ARL15: variants seen among roughly 807,000 people sequenced by gnomAD.
ARL15 encodes the protein ARF like GTPase 15, also known as ADP-ribosylation factor-like protein 15.
Under a neutral mutation model 25.2 loss-of-function variants are expected in ARL15, and 19 were observed. The ratio of observed to expected loss-of-function variants is 0.75; its 90% CI spans 0.53 to 1.10. The LOEUF (loss-of-function observed/expected upper bound fraction) is 1.10, where lower values mean the gene tolerates loss of function less well. Ranked by LOEUF, ARL15 falls within the 50% of genes least tolerant of loss-of-function variation. ARL15 has a pLI of 0.00. For missense variants in ARL15, 220 were observed against 246.0 expected (o/e 0.89, Z 0.71); for synonymous variants, 94 against 86.8 (o/e 1.08, Z -0.46).
intron 4 of ARL15, among the ~76,000 whole-genome samples, chr5:53,910,484 T>C (rs1306631086): frequency 2.0e-5 from 3 of 151,916 alleles, no homozygotes; most frequent in Non-Finnish European, 4.4e-5. Flanking sequence ...GATCACTCAA[T>C]GTCTTCTATA....
At chr5:54,263,684 A>G (rs1230771675) in intron 1 of ARL15, among the ~76,000 whole-genome samples, 2 of 152,154 alleles carry the variant, frequency 1.3e-5, no homozygotes, top group Non-Finnish European at 2.9e-5. Context: ...CTGAGAAATG[A>G]TCATTGAATG....
intron 4 of ARL15, among the ~76,000 whole-genome samples, chr5:54,039,800 T>TAAAAAAA (rs35030165): frequency 2.1e-4 from 11 of 52,554 alleles, no homozygotes; most frequent in South Asian, 1.1e-3. Context: ...AGACTCTGTC[T>TAAAAAAA]AAAAAAAAAA....
intron 1 of ARL15, among the ~76,000 whole-genome samples, chr5:54,295,336 AAAT>A (rs900889960): frequency 5.0e-4 from 76 of 152,332 alleles, no homozygotes; most frequent in African/African-American, 1.8e-3. Context: ...TATTCTCCCC[AAAT>A]AATGACATAA....
intron 4 of ARL15, among the ~76,000 whole-genome samples, chr5:54,106,780 A>G (rs1489207827): frequency 1.3e-5 from 2 of 152,136 alleles, no homozygotes; most frequent in Non-Finnish European, 2.9e-5. Context: ...ACAGAGACAT[A>G]AACAAGCCGT....
intron 1 of ARL15, among the ~76,000 whole-genome samples, chr5:54,224,059 CT>C (rs1212140246): frequency 6.6e-6 from 1 of 152,130 alleles, no homozygotes; most frequent in Admixed American, 6.5e-5. Flanking sequence ...ATGTTGTGTG[CT>C]TGTGGCCATA....
intron 4 of ARL15, among the ~76,000 whole-genome samples, chr5:54,016,314 T>C (rs1242955833): frequency 6.6e-6 from 1 of 152,120 alleles, no homozygotes; most frequent in Non-Finnish European, 1.5e-5. Context: ...GTGAAAGAGA[T>C]GGTAAGTAGA....
At position 54,215,847 on chromosome 5, in the gene ARL15, A is replaced by C. The variant is rs547554468; in HGVS notation, c.49-43919T>G. Among the ~76,000 whole-genome samples, 8 of 152,280 alleles carry C rather than the reference A, an allele frequency of 5.3e-5. No homozygotes were observed. The East Asian group carries it at 1.5e-3, about 29-fold the overall frequency. On this transcript the variant is annotated intron_variant, in intron 1 of 4. Transcript: ENST00000504924. ...GACAAGAAATAAAAGAATGGATCCA[A>C]GGTGTAAATCTAACATTACATTATA...
intron 4 of ARL15, among the ~76,000 whole-genome samples, chr5:53,894,858 G>T (rs1323718688): frequency 6.6e-6 from 1 of 152,144 alleles, no homozygotes; most frequent in East Asian, 1.9e-4. Flanking sequence ...TATGATATAG[G>T]AGCAACTTTT....
At chr5:54,014,263 A>AT (rs199579537) in intron 4 of ARL15, among the ~76,000 whole-genome samples, 1,829 of 152,140 alleles carry the variant, frequency 0.012, 19 homozygotes, top group Admixed American at 0.018. Flanking sequence ...ACTGGAAGAG[A>AT]TTTTTTCCCA....
intron 4 of ARL15, among the ~76,000 whole-genome samples, chr5:53,944,781 A>G (rs1309072500): frequency 1.3e-5 from 2 of 152,138 alleles, no homozygotes; most frequent in Non-Finnish European, 1.5e-5. Flanking sequence ...CTTAATTACT[A>G]TTTCTTTTGC....
intron 4 of ARL15, among the ~76,000 whole-genome samples, chr5:54,015,858 T>C (rs1344391643): frequency 6.6e-6 from 1 of 152,198 alleles, no homozygotes. Context: ...AGGAAAGTTC[T>C]ATCTCTAAAA....
At chr5:54,079,931 T>C (rs1479889176) in intron 4 of ARL15, among the ~76,000 whole-genome samples, 1 of 149,012 alleles carries the variant, frequency 6.7e-6, no homozygotes, top group Admixed American at 6.7e-5. Context: ...GATCATGCCA[T>C]TGCACTCCAG....
At position 53,966,491 on chromosome 5, in the gene ARL15, A is replaced by G. The variant is rs6879379; in HGVS notation, c.463-79778T>C. On this transcript the variant is annotated intron_variant, in intron 4 of 4. Coordinates refer to ENST00000504924, the MANE Select transcript of ARL15 (RefSeq NM_019087.3). Reference sequence around the variant, plus strand: ...AAAAGTGGGAGTTGTGGGAACCCCAACTTGAGCTGGTCATTCAGAAATTCT... The same window carrying G: ...AAAAGTGGGAGTTGTGGGAACCCCAGCTTGAGCTGGTCATTCAGAAATTCT... 6.9e-3 allele frequency among the ~76,000 whole-genome samples: 1,055 copies of G among 152,292 alleles called. 16 individuals are homozygous for G. The highest frequency in any genetic ancestry group is 0.024 in the African/African-American group (996 of 41,566).
Position 54,025,649 on chromosome 5 carries a change from ATTTGTTTGTTTG to A in ARL15, c.462+87541_462+87552del, listed in dbSNP as rs3836819. Among the ~76,000 whole-genome samples the A allele has an allele frequency of 4.4e-4, 67 of 151,116 alleles. 1 individual carries two copies. The highest frequency in any genetic ancestry group is 1.3e-3 in the South Asian group (6 of 4,798). Reference sequence around the variant, plus strand: ...AAAGATCCTATGCTACTGGCAAGTTATTTGTTTGTTTGTTTGTTTGTTTGTTTGTTTGTTTCG... The same window carrying A: ...AAAGATCCTATGCTACTGGCAAGTTATTTGTTTGTTTGTTTGTTTGTTTCG... On this transcript the variant is annotated intron_variant, in intron 4 of 4. Coordinates refer to ENST00000504924, the MANE Select transcript of ARL15 (RefSeq NM_019087.3).
At chr5:54,238,745 T>A (rs1286521050) in intron 1 of ARL15, among the ~76,000 whole-genome samples, 1 of 152,214 alleles carries the variant, frequency 6.6e-6, no homozygotes, top group East Asian at 1.9e-4. Flanking sequence ...CAGGTTGTTG[T>A]AATAAAGAAT....
intron 1 of ARL15, among the ~76,000 whole-genome samples, chr5:54,268,164 T>C (rs547690443): frequency 6.6e-6 from 1 of 152,262 alleles, no homozygotes; most frequent in East Asian, 1.9e-4. Context: ...GCTTTGTTCG[T>C]TTCTTTTTAT....
intron 3 of ARL15, among the ~76,000 whole-genome samples, chr5:54,116,845 T>A (rs1752914168): frequency 6.6e-6 from 1 of 152,160 alleles, no homozygotes; most frequent in South Asian, 2.1e-4. Context: ...AGGTCTAATG[T>A]GATTGAAATA....
At chr5:53,898,653 C>T (rs1372832285) in intron 4 of ARL15, among the ~76,000 whole-genome samples, 3 of 149,054 alleles carry the variant, frequency 2.0e-5, no homozygotes, top group African/African-American at 7.7e-5. Flanking sequence ...CCACCCGCTG[C>T]CCCCCCTACC....
rs1408036136 is a variant in ARL15, at chr5:54,047,491, A to G, written c.462+65711T>C. Among the ~76,000 whole-genome samples the G allele has an allele frequency of 2.6e-5, 4 of 152,192 alleles. No individual in the cohort carries two copies. In the East Asian group the frequency reaches 7.7e-4, roughly 29 times the overall value. ...CTTAGCCACAGCAGAAAAAGAGACA[A>G]CCCCTATTACAACATCTTCATATAA... On this transcript the variant is annotated intron_variant, in intron 4 of 4. Coordinates refer to ENST00000504924, the MANE Select transcript of ARL15 (RefSeq NM_019087.3).
Sources: gnomAD v4.1 joint callset for allele counts (sites outside exome capture counted in the v4.1 genomes callset) on GRCh38, gnomAD v4.1.1 for gene constraint, MANE v1.5 for transcripts, NCBI Gene and HGNC (gene_info 2026-07-23, HGNC 2026-07-21) for gene names.